MYBBP1A: variants seen among roughly 807,000 people sequenced by gnomAD.
The protein encoded by MYBBP1A is myb-binding protein 1A.
A neutral mutation model predicts 136.3 loss-of-function variants in MYBBP1A; 147 were observed. That is an observed-to-expected ratio of 1.08 (90% CI 0.94 to 1.24). The LOEUF is 1.24. Among genes scored for constraint, MYBBP1A ranks in the 50% most tolerant of loss-of-function variants. The pLI, the probability that MYBBP1A is intolerant of heterozygous loss-of-function variation, is 0.00. For missense variants in MYBBP1A, 2,060 were observed against 1,727.4 expected (o/e 1.19, Z -3.41); for synonymous variants, 947 against 735.8 (o/e 1.29, Z -4.65).
Position 4,544,284 on chromosome 17 carries a change from C to T in MYBBP1A, c.2639+205G>A, listed in dbSNP as rs578130396. Among the ~76,000 whole-genome samples, 17 of 152,252 alleles carry T rather than the reference C, an allele frequency of 1.1e-4. No individual in the cohort carries two copies. In the South Asian group the frequency reaches 3.5e-3, roughly 32 times the overall value. On this transcript the variant is annotated intron_variant, in intron 19 of 25. Coordinates refer to ENST00000254718, the MANE Select transcript of MYBBP1A (RefSeq NM_014520.4). Reference sequence around the variant, plus strand: ...CTCCAGGGCACTGTTGGCACTGTGTCGGGAGAACGCGGGGATGAAGCAAGG... The same window carrying T: ...CTCCAGGGCACTGTTGGCACTGTGTTGGGAGAACGCGGGGATGAAGCAAGG...
Position 4,550,074 on chromosome 17 carries a change from C to T in MYBBP1A, c.1303G>A (p.Asp435Asn), listed in dbSNP as rs753547190. ...FSTNNQKKAQDSSLHMPERAV... is the reference protein window; with the variant it reads ...FSTNNQKKAQNSSLHMPERAV... ...TCCACTCACATGTGGAGCGATGAAT[C>T]CTGGGCTTTCTTCTGGTTGTTGGTG... Residue 435 changes from aspartate to asparagine, a missense_variant, in exon 9 of 26, where the codon GAT becomes AAT. By Grantham distance (23) the Asp-to-Asn change is conservative. Transcript: ENST00000254718. The T allele has an allele frequency of 3.1e-6, 5 of 1,613,040 alleles. No individual in the cohort carries two copies. The highest frequency in any genetic ancestry group is 4.2e-6 in the Non-Finnish European group (5 of 1,179,346).
At position 4,539,272 on chromosome 17, in the gene MYBBP1A, C is replaced by G. The variant is rs889569318; in HGVS notation, c.*143G>C. The G allele has an allele frequency of 6.7e-7, 1 of 1,490,562 alleles. No individual in the cohort carries two copies. The highest frequency in any genetic ancestry group is 2.3e-5 in the Admixed American group (1 of 42,884). 92.3% of individuals were successfully genotyped at this position (1,490,562 alleles called of 1,614,324 possible). ...GCTGTGCTTGCCAGAGCAGGATGCC[C>G]GGGCAGGCGGCAACAGCCACCCTCC... On this transcript the variant is annotated 3_prime_UTR_variant, in exon 26 of 26. Transcript: ENST00000254718.
At chr17:4,542,788 T>C (rs972710873) in intron 20 of MYBBP1A, 47 bp from the exon 21 acceptor site, 4 of 1,607,082 alleles carry the variant, frequency 2.5e-6, no homozygotes, top group Non-Finnish European at 3.4e-6. Flanking sequence ...GAGGGGTCCC[T>C]GGGATGGGAG....
In MYBBP1A at chr17:4,545,862, G is replaced by C; in HGVS notation, c.1905C>G (p.Ser635Arg). The C allele has an allele frequency of 2.5e-6, 4 of 1,613,322 alleles. No homozygotes were observed. Among genetic ancestry groups the C allele is most frequent in the Non-Finnish European group, 3.4e-6 (4 of 1,179,974 alleles). The change falls in exon 14 of 26, where the codon AGC becomes AGG. Residue 635 changes from serine (S) to arginine (R), a missense_variant. Coordinates refer to ENST00000254718, the MANE Select transcript of MYBBP1A (RefSeq NM_014520.4). ...AGGACCCACCGATGGTCTTGGTGCG[G>C]CTCCGGCGGGGCTTCTCTCCCAGAC... ...RKSLGEKPRR[S>R]RTKTIDPQEP...
chr17:4,546,360 A>G (rs1027192165), intron 13 of MYBBP1A, among the ~76,000 whole-genome samples: 5 of 151,590 alleles, frequency 3.3e-5, no homozygotes, highest in Non-Finnish European at 5.9e-5. Flanking sequence ...CTCGTGATCC[A>G]CCCCCTTGCC....
intron 10 of MYBBP1A, among the ~76,000 whole-genome samples, chr17:4,549,108 G>A (rs986216224): frequency 4.6e-5 from 7 of 152,224 alleles, no homozygotes; most frequent in Admixed American, 6.5e-5. Flanking sequence ...TGCAGGGCGC[G>A]CAGAGCACAC....
chr17:4,552,086 C>A lies in MYBBP1A; in HGVS notation c.905+39G>T. 1 of 1,602,774 alleles carries A rather than the reference C, an allele frequency of 6.2e-7. No homozygotes were observed. The highest frequency in any genetic ancestry group is 1.3e-5 in the African/African-American group (1 of 74,900). On this transcript the variant is annotated intron_variant, in intron 7 of 25. Coordinates refer to ENST00000254718, the MANE Select transcript of MYBBP1A (RefSeq NM_014520.4). This position sits in a 1 kb window ranked among gnomAD's most constrained non-coding sequence, Gnocchi z 4.7. ...CTAGTGGCCTAGCCCACTTCACGGACAGGGAAGGGGGCCGAGAGAGGACAC... is the reference window on the plus strand; with the variant it reads ...CTAGTGGCCTAGCCCACTTCACGGAAAGGGAAGGGGGCCGAGAGAGGACAC...
At chr17:4,549,574 C>T (rs556528374) in intron 9 of MYBBP1A, 132 bp from the exon 10 acceptor site, 88 of 685,190 alleles carry the variant, frequency 1.3e-4, no homozygotes, top group African/African-American at 1.2e-3. Context: ...GTCAGGAGTT[C>T]GAGACCAGCC....
At position 4,554,221 on chromosome 17, in the gene MYBBP1A, T is replaced by C; in HGVS notation, c.352A>G (p.Lys118Glu). 1 of 1,613,998 alleles carries C rather than the reference T, an allele frequency of 6.2e-7. No homozygotes were observed. The highest frequency in any genetic ancestry group is 2.2e-5 in the East Asian group (1 of 44,870). The stretch of plus-strand genomic sequence containing the variant: ...TTCTTCACCTGATGCAGGTCATATT[T>C]TTCTTGTATCTGCTGCAGGATGCTG... ...LCSILQQIQEKYDLHQVKKAM... is the reference protein window; with the variant it reads ...LCSILQQIQEEYDLHQVKKAM... Residue 118 changes from lysine (K) to glutamate (E), a missense_variant, in exon 3 of 26, where the codon AAA (lysine) becomes GAA (glutamate). Lys to Glu is a moderately conservative substitution (Grantham distance 56). Transcript: ENST00000254718.
rs551076431 is a variant in MYBBP1A, at chr17:4,545,236, C to T, written c.2160+23G>A. 7.9e-5 allele frequency: 128 copies of T among 1,612,894 alleles called. No individual in the cohort carries two copies. In the South Asian group the frequency reaches 1.2e-3, roughly 16 times the overall value. ...CGATCGTCCCACTCCCCACCGCCCC[C>T]GCCCGGCCCATGCTGGCAACACCTC... On this transcript the variant is annotated intron_variant, in intron 16 of 25. Transcript: ENST00000254718.
rs1567600421 is a variant in MYBBP1A, at chr17:4,538,985, G to A, written c.*430C>T. 1 of 801,578 alleles carries A rather than the reference G, an allele frequency of 1.2e-6. No individual in the cohort carries two copies. Among genetic ancestry groups the A allele is most frequent in the African/African-American group, 1.7e-5 (1 of 59,464 alleles). The allele number at this position is 801,578 out of a possible 1,614,324, so 49.7% of individuals were successfully genotyped here. On this transcript the variant is annotated 3_prime_UTR_variant, in exon 26 of 26. Coordinates refer to ENST00000254718, the MANE Select transcript of MYBBP1A (RefSeq NM_014520.4). ...TTGTGAATCTCAGAGTCTTAAGAGA[G>A]AAGCCAAATATATTCCTCTTGTAAA...
chr17:4,547,796 G>A, intron 13 of MYBBP1A, 162 bp downstream of exon 13: 1 of 569,522 alleles, frequency 1.8e-6, no homozygotes, highest in East Asian at 3.0e-5. Context: ...GTGGCCGGAG[G>A]GATGTTTCCA....
At chr17:4,543,696 G>A (rs1004382361) in intron 19 of MYBBP1A, among the ~76,000 whole-genome samples, 5 of 151,928 alleles carry the variant, frequency 3.3e-5, no homozygotes, top group Non-Finnish European at 5.9e-5. Context: ...GACTATCCAC[G>A]CAGCGCCCCA....
At position 4,539,474 on chromosome 17, in the gene MYBBP1A, T is replaced by TG; in HGVS notation, c.3927dup (p.Ser1310GlnfsTer35). ...TTCTTGGCCCCACTCTGAAGCAGGC[T>TG]GGGACTCCTGATGACCAAAGACAGC... On this transcript the variant is annotated frameshift_variant, in exon 26 of 26. Transcript: ENST00000254718. LOFTEE classifies it low-confidence loss of function (END_TRUNC). 6.2e-7 allele frequency: 1 copy of TG among 1,614,176 alleles called. No individual in the cohort carries two copies.
chr17:4,539,718 TGGCGTCCCGTTTGCCTG>T lies in MYBBP1A; in HGVS notation c.3667_3683del (p.Gln1223AsnfsTer116), dbSNP rs1401786467. ...CGCCAGGGGCTGGACTCTTGGTGGT[TGGCGTCCCGTTTGCCTG>T]GGCTGGGACCTTAGCCTTTGTCCTG... On this transcript the variant is annotated frameshift_variant, in exon 26 of 26. Transcript: ENST00000254718. LOFTEE classifies it low-confidence loss of function (END_TRUNC). The T allele has an allele frequency of 3.7e-6, 6 of 1,609,184 alleles. No individual in the cohort carries two copies. The highest frequency in any genetic ancestry group is 5.1e-6 in the Non-Finnish European group (6 of 1,176,874).
intron 5 of MYBBP1A, 40 bp downstream of exon 5, chr17:4,553,770 C>T (rs1284235712): frequency 1.3e-6 from 2 of 1,530,778 alleles, no homozygotes; most frequent in East Asian, 2.2e-5. Context: ...GTCTCTGTAA[C>T]AAAGTGTTGC....
In MYBBP1A at chr17:4,554,093, C is replaced by T; in HGVS notation, c.379G>A (p.Ala127Thr). The change falls in exon 4 of 26, where the codon GCA (alanine) becomes ACA (threonine). Residue 127 changes from alanine (A) to threonine (T), a missense_variant and splice_region_variant. Transcript: ENST00000254718. ...GCAAAGAGAGCAGGTCTCAGCATTG[C>T]CTAGAAAAGGATTCCAGGCACAGGC... ...EKYDLHQVKK[A>T]MLRPALFANL... The T allele has an allele frequency of 6.2e-7, 1 of 1,614,038 alleles. No individual in the cohort carries two copies.
rs199522428 is a variant in MYBBP1A at position 4,544,607 on chromosome 17, C to T, written c.2521G>A (p.Glu841Lys). Residue 841 changes from glutamate (E) to lysine (K), a missense_variant, in exon 19 of 26, where the codon GAG becomes AAG. Coordinates refer to ENST00000254718, the MANE Select transcript of MYBBP1A (RefSeq NM_014520.4). ...AGCAGCTCCAGGACCAGGGCATTCT[C>T]GGGCTGCTTGGTCACTAGCACCTCC... is the stretch of plus-strand genomic sequence containing the variant. ...LVEVLVTKQP[E>K]NALVLELLEP... 41 of 1,586,608 alleles carry T rather than the reference C, an allele frequency of 2.6e-5. No individual in the cohort carries two copies. Among genetic ancestry groups the T allele is most frequent in the African/African-American group, 2.7e-5 (2 of 73,916 alleles).
chr17:4,551,336 G>C (rs755112184), intron 8 of MYBBP1A, among the ~76,000 whole-genome samples: 4 of 152,264 alleles, frequency 2.6e-5, no homozygotes, highest in Admixed American at 2.0e-4. Flanking sequence ...GGGCGGGGGC[G>C]GAGAGAGGTC....
Sources: allele counts gnomAD v4.1 joint callset (sites outside exome capture counted in the v4.1 genomes callset), GRCh38; gene constraint gnomAD v4.1.1; non-coding constraint Gnocchi (gnomAD v3.1); transcripts MANE v1.5; gene names NCBI Gene and HGNC (gene_info 2026-07-23, HGNC 2026-07-21).